Variants in OMA1 observed in about 807,000 individuals in gnomAD.
The protein encoded by OMA1 is OMA1 zinc metallopeptidase, also known as metalloendopeptidase OMA1, mitochondrial.
OMA1 carries 38 observed loss-of-function variants against 30.9 expected under a neutral mutation model. The ratio of observed to expected loss-of-function variants is 1.23; its 90% CI spans 0.95 to 1.61. The LOEUF is 1.61. OMA1 is among the 40% of genes most tolerant of loss of function. The pLI, the probability that OMA1 is intolerant of heterozygous loss-of-function variation, is 0.00. For synonymous variants in OMA1, 173 were observed against 121.9 expected, an observed-to-expected ratio of 1.42 and a Z score of -2.76; for missense variants, 461 against 349.2, an observed-to-expected ratio of 1.32 and a Z score of -2.55.
intron 8 of OMA1, among the ~76,000 whole-genome samples, chr1:58,499,402 TTTAGCCCAGGAC>T (rs1227571073): frequency 2.0e-5 from 3 of 151,356 alleles, no homozygotes; most frequent in African/African-American, 7.3e-5. Flanking sequence ...GGAAAATTGC[TTTAGCCCAGGAC>T]TTCAAAGCTG....
intron 7 of OMA1, among the ~76,000 whole-genome samples, chr1:58,509,347 G>C (rs1646037082): frequency 6.6e-6 from 1 of 151,308 alleles, no homozygotes; most frequent in South Asian, 2.1e-4. Context: ...ATGTAAAAAA[G>C]TACTAAACAG....
At chr1:58,481,870 T>G (rs1028709628) in intron 8 of OMA1, among the ~76,000 whole-genome samples, 1 of 152,234 alleles carries the variant, frequency 6.6e-6, no homozygotes, top group African/African-American at 2.4e-5. Context: ...CCTTCCACCA[T>G]GATTGTGAGG....
rs779691781 is a variant in OMA1, at chr1:58,534,110, A to G, written c.903+48T>C. The G allele has an allele frequency of 3.5e-6, 3 of 867,228 alleles. No individual in the cohort carries two copies. The African/African-American group carries it at 4.9e-5, about 14-fold the overall frequency. 53.7% of individuals were successfully genotyped at this position (867,228 alleles called of 1,614,324 possible). A position where few individuals can be genotyped will look rare whatever the true frequency, so the allele number is the denominator to read the frequency against. On this transcript the variant is annotated intron_variant, in intron 4 of 8. Coordinates refer to ENST00000371226, the MANE Select transcript of OMA1 (RefSeq NM_145243.5). ...AGCAATTAGAACATCATAAAAAATA[A>G]GGACAATAAATTTAACAATTACAAT... is the stretch of plus-strand genomic sequence containing the variant.
intron 1 of OMA1, among the ~76,000 whole-genome samples, chr1:58,546,106 A>G (rs974040242): frequency 6.6e-6 from 1 of 152,250 alleles, no homozygotes; most frequent in Non-Finnish European, 1.5e-5. Flanking sequence ...TAAACAGTAT[A>G]CAGTGAGTTC....
intron 7 of OMA1, among the ~76,000 whole-genome samples, chr1:58,513,151 T>TCCC (rs1459763747): frequency 6.6e-6 from 1 of 152,004 alleles, no homozygotes; most frequent in Non-Finnish European, 1.5e-5. Context: ...TGACAGCAGT[T>TCCC]CCCCCATGCT....
chr1:58,529,199 T>C (rs1450902174), intron 6 of OMA1, among the ~76,000 whole-genome samples: 2 of 152,198 alleles, frequency 1.3e-5, no homozygotes, highest in Non-Finnish European at 2.9e-5. Flanking sequence ...ATAGACTTAG[T>C]TATCCAATCT....
intron 1 of OMA1, among the ~76,000 whole-genome samples, chr1:58,540,991 A>G (rs535220727): frequency 2.0e-5 from 3 of 152,178 alleles, no homozygotes; most frequent in Non-Finnish European, 4.4e-5. Context: ...TTGACATCTT[A>G]GGTGAACTGT....
chr1:58,483,329 T>C (rs917422398), intron 8 of OMA1, among the ~76,000 whole-genome samples: 1 of 152,134 alleles, frequency 6.6e-6, no homozygotes, highest in Non-Finnish European at 1.5e-5. Context: ...CACAGGTTCT[T>C]GTATGCTAAC....
chr1:58,540,517 G>A (rs1050542455), intron 1 of OMA1, among the ~76,000 whole-genome samples: 8 of 151,384 alleles, frequency 5.3e-5, no homozygotes, highest in African/African-American at 1.2e-4. Context: ...AGGAAAATAT[G>A]AGCATGTTAT....
chr1:58,544,663 C>T (rs939873919), intron 1 of OMA1, among the ~76,000 whole-genome samples: 1 of 152,150 alleles, frequency 6.6e-6, no homozygotes, highest in Non-Finnish European at 1.5e-5. Flanking sequence ...GGTGCCACCT[C>T]GGCTCACTGC....
intron 8 of OMA1, among the ~76,000 whole-genome samples, chr1:58,505,096 G>A (rs936914920): frequency 3.3e-5 from 5 of 152,148 alleles, no homozygotes; most frequent in African/African-American, 1.2e-4. Context: ...GGGATTACAG[G>A]CGCATGCCAC....
At chr1:58,508,159 A>G (rs1646018797) in intron 7 of OMA1, among the ~76,000 whole-genome samples, 1 of 152,212 alleles carries the variant, frequency 6.6e-6, no homozygotes, top group Non-Finnish European at 1.5e-5. Flanking sequence ...TTCCAAGCTA[A>G]AAGTATTAAA....
chr1:58,494,179 C>A (rs368553688), intron 8 of OMA1, among the ~76,000 whole-genome samples: 35 of 152,148 alleles, frequency 2.3e-4, no homozygotes, highest in South Asian at 2.1e-4. Flanking sequence ...AGGATTCCCT[C>A]TTTAATAAAT....
chr1:58,526,255 TTTA>T (rs1345671957), intron 7 of OMA1, among the ~76,000 whole-genome samples: 1 of 152,120 alleles, frequency 6.6e-6, no homozygotes, highest in East Asian at 1.9e-4. Context: ...CTTAATCACA[TTTA>T]TTTAACATTC....
chr1:58,504,028 C>T (rs897415134), intron 8 of OMA1, among the ~76,000 whole-genome samples: 5 of 152,178 alleles, frequency 3.3e-5, no homozygotes, highest in Non-Finnish European at 7.3e-5. Context: ...TCATCTCCTA[C>T]CAGGATTATG....
chr1:58,529,553 G>T (rs933639165), intron 6 of OMA1, among the ~76,000 whole-genome samples: 1 of 152,152 alleles, frequency 6.6e-6, no homozygotes, highest in Non-Finnish European at 1.5e-5. Flanking sequence ...TCAAAGCAAT[G>T]ATATTTTAAC....
intron 7 of OMA1, among the ~76,000 whole-genome samples, chr1:58,520,975 A>C (rs977329705): frequency 1.3e-5 from 2 of 152,220 alleles, no homozygotes; most frequent in Admixed American, 6.5e-5. Context: ...CATCCACAGA[A>C]CACCACCCGC....
At chr1:58,512,368 T>A (rs1121422) in intron 7 of OMA1, among the ~76,000 whole-genome samples, 47,283 of 151,978 alleles carry the variant, frequency 0.31, 7,784 homozygotes, top group African/African-American at 0.42. Flanking sequence ...TTTTAAAAAG[T>A]ACTATCATTA....
chr1:58,505,043 C>T (rs188995491), intron 8 of OMA1, among the ~76,000 whole-genome samples: 60 of 152,182 alleles, frequency 3.9e-4, no homozygotes, highest in African/African-American at 1.2e-3. Context: ...ACTTCTGCCT[C>T]CAGGGTTCAA....
Sources: allele counts gnomAD v4.1 joint callset (sites outside exome capture counted in the v4.1 genomes callset), GRCh38; gene constraint gnomAD v4.1.1; transcripts MANE v1.5; gene names NCBI Gene and HGNC (gene_info 2026-07-23, HGNC 2026-07-21).